The following TRHDE variants were observed in gnomAD, a reference collection of about 807,000 sequenced individuals.
TRHDE encodes thyrotropin-releasing hormone-degrading ectoenzyme.
TRHDE carries 72 observed loss-of-function variants against 125.7 expected under a neutral mutation model. That is an observed-to-expected ratio of 0.57 (90% CI 0.47 to 0.70). The LOEUF (loss-of-function observed/expected upper bound fraction) is 0.70, where lower values mean the gene tolerates loss of function less well. Ranked by LOEUF, TRHDE falls within the 30% of genes least tolerant of loss-of-function variation. The pLI is 0.00. For synonymous variants in TRHDE, 509 were observed against 509.1 expected (o/e 1.00, Z 0.00); for missense variants, 1,110 against 1,327.1 (o/e 0.84, Z 2.54).
intron 5 of TRHDE, among the ~76,000 whole-genome samples, chr12:72,474,347 C>T (rs1876790497): frequency 1.3e-5 from 2 of 152,038 alleles, no homozygotes; most frequent in Non-Finnish European, 2.9e-5. Flanking sequence ...ATTGAATATA[C>T]ACATTATGCT....
Position 72,455,592 on chromosome 12 carries a change from T to G in TRHDE, c.1316-14166T>G, listed in dbSNP as rs557278935. ...TTATGTTTCCAGTAACAAATGGAAG[T>G]GTTGGGGATGGAAATTACATTAAAT... On this transcript the variant is annotated intron_variant, in intron 3 of 18. Coordinates refer to ENST00000261180, the MANE Select transcript of TRHDE (RefSeq NM_013381.3). Among the ~76,000 whole-genome samples the G allele has an allele frequency of 3.2e-3, 490 of 152,228 alleles. 1 individual carries two copies. Among genetic ancestry groups the G allele is most frequent in the African/African-American group, 0.011 (455 of 41,554 alleles).
chr12:72,632,255 C>G (rs1873527816), intron 15 of TRHDE, among the ~76,000 whole-genome samples: 2 of 151,932 alleles, frequency 1.3e-5, no homozygotes, highest in African/African-American at 4.8e-5. Context: ...GTGATTCAGA[C>G]AACACCATTA....
At chr12:72,187,360 CA>C (rs1877240886) in intron 2 of TRHDE, among the ~76,000 whole-genome samples, 1 of 147,678 alleles carries the variant, frequency 6.8e-6, no homozygotes, top group African/African-American at 2.6e-5. Context: ...CACACACACA[CA>C]CGAAGTCTCT....
At chr12:72,223,158 C>T (rs1878034573) in intron 2 of TRHDE, among the ~76,000 whole-genome samples, 1 of 151,966 alleles carries the variant, frequency 6.6e-6, no homozygotes, top group African/African-American at 2.4e-5. Flanking sequence ...CTTATAGTCT[C>T]CTTTTATGGC....
chr12:72,477,143 C>T (rs1053549156), intron 5 of TRHDE, among the ~76,000 whole-genome samples: 1 of 152,008 alleles, frequency 6.6e-6, no homozygotes, highest in African/African-American at 2.4e-5. Flanking sequence ...TTTTTGAAGA[C>T]AAAATAACTT....
intron 12 of TRHDE, among the ~76,000 whole-genome samples, chr12:72,612,130 C>T (rs1263652870): frequency 6.6e-6 from 1 of 152,114 alleles, no homozygotes; most frequent in Non-Finnish European, 1.5e-5. Context: ...ATCTCAAAAC[C>T]TTTGAATTTG....
intron 15 of TRHDE, among the ~76,000 whole-genome samples, chr12:72,633,501 C>T (rs1276039738): frequency 6.6e-6 from 1 of 152,002 alleles, no homozygotes; most frequent in African/African-American, 2.4e-5. Context: ...TTTGGTTATA[C>T]TTAAGGTTCA....
intron 6 of TRHDE, among the ~76,000 whole-genome samples, chr12:72,518,377 T>A (rs994406016): frequency 6.0e-5 from 9 of 151,050 alleles, no homozygotes; most frequent in Non-Finnish European, 1.3e-4. Context: ...TATTGTTGAA[T>A]TGATTCCTTT....
At chr12:72,582,546 A>C in intron 12 of TRHDE, 4 of 985,278 alleles carry the variant, frequency 4.1e-6, no homozygotes, top group Non-Finnish European at 4.8e-6. Context: ...TCATTTTTTC[A>C]CTTATTGCAG....
intron 12 of TRHDE, among the ~76,000 whole-genome samples, chr12:72,617,815 A>G (rs1872883778): frequency 6.6e-6 from 1 of 152,176 alleles, no homozygotes; most frequent in South Asian, 2.1e-4. Flanking sequence ...CAGAGTCAAG[A>G]AGATGCACTG....
chr12:72,591,745 T>A (rs914503417), intron 12 of TRHDE, among the ~76,000 whole-genome samples: 6 of 151,674 alleles, frequency 4.0e-5, no homozygotes, highest in Non-Finnish European at 7.4e-5. Context: ...CTTGAAGAAT[T>A]TTTTTTATTA....
chr12:72,258,079 C>T (rs1288513017), intron 2 of TRHDE: 1 of 152,044 alleles, frequency 6.6e-6, no homozygotes, highest in Non-Finnish European at 1.5e-5. Flanking sequence ...TCACCAGATG[C>T]TACTTAAACT....
chr12:72,640,106 G>T (rs374253128), intron 15 of TRHDE, among the ~76,000 whole-genome samples: 10 of 152,172 alleles, frequency 6.6e-5, no homozygotes, highest in African/African-American at 2.2e-4. Context: ...CCCCAGCCTC[G>T]CTGCCGCCTT....
intron 1 of TRHDE, among the ~76,000 whole-genome samples, chr12:72,103,658 T>C (rs1875118262): frequency 6.6e-6 from 1 of 152,178 alleles, no homozygotes; most frequent in Admixed American, 6.5e-5. Context: ...GCCTTCCCCA[T>C]TACAGTATAA....
intron 3 of TRHDE, among the ~76,000 whole-genome samples, chr12:72,379,479 A>C (rs1473399437): frequency 6.6e-6 from 1 of 152,188 alleles, no homozygotes; most frequent in East Asian, 1.9e-4. Flanking sequence ...CCTCATTTGC[A>C]TGGAAGGTGG....
At chr12:72,187,138 T>G (rs972254615) in intron 2 of TRHDE, among the ~76,000 whole-genome samples, 1 of 152,194 alleles carries the variant, frequency 6.6e-6, no homozygotes, top group African/African-American at 2.4e-5. Context: ...AAAAGTCATA[T>G]AGGATTAATT....
At chr12:72,196,732 G>T (rs1877450956) in intron 2 of TRHDE, among the ~76,000 whole-genome samples, 1 of 151,996 alleles carries the variant, frequency 6.6e-6, no homozygotes. Flanking sequence ...CTCCACTTGT[G>T]TGTGATATGC....
chr12:72,196,849 C>G (rs1877455475), intron 2 of TRHDE, among the ~76,000 whole-genome samples: 1 of 152,052 alleles, frequency 6.6e-6, no homozygotes, highest in Admixed American at 6.6e-5. Context: ...TGATATCTAT[C>G]CAAATCTCCC....
chr12:72,422,326 A>G (rs1452460924), intron 3 of TRHDE, among the ~76,000 whole-genome samples: 3 of 152,052 alleles, frequency 2.0e-5, no homozygotes, highest in African/African-American at 4.8e-5. Flanking sequence ...AACTTCCACC[A>G]TTTAATTTTT....
Sources: gnomAD v4.1 joint callset for allele counts (sites outside exome capture counted in the v4.1 genomes callset) on GRCh38, gnomAD v4.1.1 for gene constraint, MANE v1.5 for transcripts, NCBI Gene and HGNC (gene_info 2026-07-23, HGNC 2026-07-21) for gene names.